UGT1A7: variants seen among roughly 807,000 people sequenced by gnomAD.
UGT1A7 encodes the protein UDP-glucuronosyltransferase 1A7.
A neutral mutation model predicts 45.6 loss-of-function variants in UGT1A7; 33 were observed. The ratio of observed to expected loss-of-function variants is 0.72; its 90% confidence interval spans 0.55 to 0.97. The LOEUF is 0.97. Ranked by LOEUF, UGT1A7 falls within the 50% of genes least tolerant of loss-of-function variation. UGT1A7 has a pLI of 0.00. For missense variants in UGT1A7, 684 were observed against 666.2 expected (o/e 1.03, Z -0.29); for synonymous variants, 274 against 250.6 (o/e 1.09, Z -0.88).
intron 1 of UGT1A7, among the ~76,000 whole-genome samples, chr2:233,736,119 C>T (rs933260681): frequency 3.9e-5 from 6 of 152,336 alleles, no homozygotes; most frequent in South Asian, 2.1e-4. Context: ...CAACTTGTTT[C>T]CATTCTCCGC....
At chr2:233,730,124 T>C in intron 1 of UGT1A7, 4 of 1,544,442 alleles carry the variant, frequency 2.6e-6, no homozygotes, top group East Asian at 2.4e-5. Flanking sequence ...CTTGTCATAA[T>C]AGCCTTCAGT....
At chr2:233,755,412 C>T in intron 1 of UGT1A7, 1 of 330,878 alleles carries the variant, frequency 3.0e-6, no homozygotes, top group Non-Finnish European at 5.9e-6. Context: ...TGGCCGAGGC[C>T]TGTGAGCGCC....
At chr2:233,704,707 C>A (rs545458550) in intron 1 of UGT1A7, among the ~76,000 whole-genome samples, 1 of 152,192 alleles carries the variant, frequency 6.6e-6, no homozygotes, top group African/African-American at 2.4e-5. Flanking sequence ...CATTTCTTAG[C>A]CCAATTTGCC....
At chr2:233,761,217 A>G (rs1266306783) in intron 1 of UGT1A7, 2 of 1,613,598 alleles carry the variant, frequency 1.2e-6, no homozygotes, top group Non-Finnish European at 1.7e-6. Flanking sequence ...GGATCGATTA[A>G]CTAGCCCCAG....
At chr2:233,743,446 AAAG>A (rs891586644) in intron 1 of UGT1A7, 1 of 1,364,544 alleles carries the variant, frequency 7.3e-7, no homozygotes, top group Non-Finnish European at 9.8e-7. Context: ...TCCTGTATCA[AAAG>A]AAGAAAAAAC....
intron 1 of UGT1A7, chr2:233,761,003 A>G: frequency 6.2e-7 from 1 of 1,614,128 alleles, no homozygotes. Context: ...GAATTCCTTC[A>G]GAGAGAGGTG....
chr2:233,726,552 G>A (rs2125720134), intron 1 of UGT1A7, among the ~76,000 whole-genome samples: 1 of 152,244 alleles, frequency 6.6e-6, no homozygotes, highest in African/African-American at 2.4e-5. Context: ...GCGTCTTCAA[G>A]TCTCCCACTC....
chr2:233,719,216 G>A (rs767651988), intron 1 of UGT1A7: 7 of 1,614,090 alleles, frequency 4.3e-6, no homozygotes, highest in East Asian at 4.5e-5. Context: ...TGGAGCTACT[G>A]CATAATGAGG....
At chr2:233,757,773 G>A (rs1419561449) in intron 1 of UGT1A7, among the ~76,000 whole-genome samples, 2 of 151,708 alleles carry the variant, frequency 1.3e-5, no homozygotes, top group African/African-American at 2.4e-5. Context: ...TTAGTAATAA[G>A]CCTGTCATTC....
intron 1 of UGT1A7, chr2:233,729,441 T>C: frequency 3.1e-6 from 5 of 1,613,982 alleles, no homozygotes; most frequent in Non-Finnish European, 4.2e-6. Flanking sequence ...AAACAGAACA[T>C]TTTCTGAAGA....
intron 1 of UGT1A7, among the ~76,000 whole-genome samples, chr2:233,752,942 C>T (rs540473054): frequency 6.6e-6 from 1 of 152,310 alleles, no homozygotes; most frequent in South Asian, 2.1e-4. Context: ...CTTTGCTGAC[C>T]ACTGAACAAT....
chr2:233,713,012 TC>T, intron 1 of UGT1A7: 2 of 1,613,498 alleles, frequency 1.2e-6, no homozygotes, highest in Non-Finnish European at 1.7e-6. Flanking sequence ...GACTCCAGGT[TC>T]CCCTGCCGCA....
chr2:233,717,883 G>A lies in UGT1A7; in HGVS notation c.855+35091G>A, dbSNP rs778761780. On this transcript the variant is annotated intron_variant, in intron 1 of 4. Transcript: ENST00000373426. ...CTGGATTGACTTGGAGAAAAGCCTG[G>A]CCATAATCTTCAGGATGAAATAAAG... 1.6e-4 allele frequency: 73 copies of A among 454,720 alleles called. 1 individual carries two copies. The highest frequency in any genetic ancestry group is 9.9e-4 in the South Asian group (64 of 64,482). 28.2% of individuals were successfully genotyped at this position (454,720 alleles called of 1,614,324 possible).
chr2:233,687,831 C>A (rs1481832407), intron 1 of UGT1A7, among the ~76,000 whole-genome samples: 1 of 152,108 alleles, frequency 6.6e-6, no homozygotes. Flanking sequence ...TCCTGTAAAC[C>A]CAGGAGGTTA....
intron 1 of UGT1A7, among the ~76,000 whole-genome samples, chr2:233,750,313 G>A (rs771839306): frequency 6.6e-6 from 1 of 151,862 alleles, no homozygotes; most frequent in Non-Finnish European, 1.5e-5. Context: ...AGAGATCTGT[G>A]GAACTTTGAA....
At chr2:233,770,357 A>G (rs1700064442) in intron 4 of UGT1A7, 1 of 152,214 alleles carries the variant, frequency 6.6e-6, no homozygotes, top group Admixed American at 6.5e-5. Flanking sequence ...TATTGAATGA[A>G]TGAATGAAAG....
intron 1 of UGT1A7, among the ~76,000 whole-genome samples, chr2:233,723,841 T>C (rs2077133746): frequency 2.6e-5 from 1 of 38,274 alleles, no homozygotes; most frequent in Non-Finnish European, 4.5e-5. Flanking sequence ...GAGCACAGGG[T>C]TGGGGGTAAG....
intron 1 of UGT1A7, chr2:233,713,829 A>G (rs1484751529): frequency 1.2e-6 from 2 of 1,613,982 alleles, no homozygotes; most frequent in African/African-American, 2.7e-5. Context: ...TGGGGGCATC[A>G]ACTGTGCCAA....
intron 1 of UGT1A7, chr2:233,718,926 A>G (rs1264796990): frequency 1.2e-6 from 2 of 1,614,126 alleles, no homozygotes; most frequent in Non-Finnish European, 1.7e-6. Context: ...GGTGGTGCCC[A>G]CTGATGGCAG....
Sources: gnomAD v4.1 joint callset for allele counts (sites outside exome capture counted in the v4.1 genomes callset) on GRCh38, gnomAD v4.1.1 for gene constraint, MANE v1.5 for transcripts, NCBI Gene and HGNC (gene_info 2026-07-23, HGNC 2026-07-21) for gene names.